Variants in TANGO6 observed in about 807,000 individuals in gnomAD.
The protein encoded by TANGO6 is transport and Golgi organization protein 6 homolog.
TANGO6 carries 90 observed loss-of-function variants against 114.2 expected under a neutral mutation model. That is an observed-to-expected ratio of 0.79 (90% confidence interval 0.66 to 0.94). TANGO6 has a LOEUF of 0.94. Among genes scored for constraint, TANGO6 ranks in the 40% least tolerant of loss-of-function variants. The pLI, the probability that TANGO6 is intolerant of heterozygous loss-of-function variation, is 0.00. For missense variants in TANGO6, 1,274 were observed against 1,315.3 expected, an observed-to-expected ratio of 0.97 and a Z score of 0.49; for synonymous variants, 477 against 509.8, an observed-to-expected ratio of 0.94 and a Z score of 0.87.
intron 15 of TANGO6, among the ~76,000 whole-genome samples, chr16:68,996,389 T>C (rs1041009607): frequency 2.6e-5 from 4 of 152,182 alleles, no homozygotes; most frequent in African/African-American, 7.2e-5. Flanking sequence ...CAATAAATTG[T>C]ATTCATGAAA....
intron 17 of TANGO6, among the ~76,000 whole-genome samples, chr16:69,067,237 G>A (rs1313588392): frequency 1.3e-5 from 2 of 151,956 alleles, no homozygotes; most frequent in African/African-American, 2.4e-5. Flanking sequence ...GGCTGGGCAC[G>A]GTGGCTCATG....
chr16:68,962,072 T>A (rs557882942), intron 14 of TANGO6, among the ~76,000 whole-genome samples: 1 of 152,308 alleles, frequency 6.6e-6, no homozygotes. Context: ...AAATATCAAA[T>A]TGGCATGCTA....
intron 17 of TANGO6, among the ~76,000 whole-genome samples, chr16:69,071,278 C>T (rs780745545): frequency 9.2e-5 from 14 of 152,298 alleles, no homozygotes; most frequent in Middle Eastern, 3.4e-3. Context: ...AAAATGCAGT[C>T]ACTCTGGTTT....
intron 5 of TANGO6, 95 bp downstream of exon 5, chr16:68,875,385 G>A (rs184389000): frequency 1.1e-5 from 16 of 1,400,936 alleles, no homozygotes; most frequent in Admixed American, 2.4e-5. Context: ...GATAAAAGCA[G>A]TATAATATTT....
intron 16 of TANGO6, among the ~76,000 whole-genome samples, chr16:69,029,810 G>A (rs971619975): frequency 6.6e-5 from 10 of 152,150 alleles, no homozygotes; most frequent in African/African-American, 2.2e-4. Flanking sequence ...TGAGCATCAA[G>A]GAAATAAGAA....
At chr16:68,958,739 G>T (rs1963560425) in intron 14 of TANGO6, among the ~76,000 whole-genome samples, 1 of 151,988 alleles carries the variant, frequency 6.6e-6, no homozygotes, top group South Asian at 2.1e-4. Context: ...TTCAAGACCA[G>T]CCTAGGCAGC....
intron 17 of TANGO6, among the ~76,000 whole-genome samples, chr16:69,068,338 G>A (rs778661464): frequency 3.3e-5 from 5 of 151,982 alleles, no homozygotes; most frequent in Non-Finnish European, 5.9e-5. Flanking sequence ...TTTGAGAGAC[G>A]GTACAGTATA....
chr16:68,899,290 AC>A (rs1462275099), intron 7 of TANGO6, among the ~76,000 whole-genome samples: 1 of 151,964 alleles, frequency 6.6e-6, no homozygotes, highest in Admixed American at 6.6e-5. Context: ...TAATAGGTTT[AC>A]TTTTTTTATT....
chr16:69,022,165 C>T (rs1959419518), intron 15 of TANGO6, among the ~76,000 whole-genome samples: 1 of 151,348 alleles, frequency 6.6e-6, no homozygotes, highest in Non-Finnish European at 1.5e-5. Context: ...GGATTACAGG[C>T]GTGAGCCACC....
At chr16:68,961,725 A>G (rs187097703) in intron 14 of TANGO6, among the ~76,000 whole-genome samples, 3,186 of 152,286 alleles carry the variant, frequency 0.021, 115 homozygotes, top group African/African-American at 0.073. Context: ...TATTATTTAG[A>G]TACTGATTTA....
chr16:68,933,671 C>A (rs981710068), intron 14 of TANGO6: 1 of 152,202 alleles, frequency 6.6e-6, no homozygotes, highest in Non-Finnish European at 1.5e-5. Flanking sequence ...ACCATAAATT[C>A]CTCCTCAGGC....
intron 15 of TANGO6, among the ~76,000 whole-genome samples, chr16:69,018,231 C>T (rs1001704383): frequency 6.8e-6 from 1 of 147,498 alleles, no homozygotes; most frequent in African/African-American, 2.5e-5. Context: ...GCAAGCTCCG[C>T]CTCCCGGGTT....
intron 1 of TANGO6, among the ~76,000 whole-genome samples, chr16:68,852,899 A>T (rs1961928636): frequency 6.6e-6 from 1 of 152,128 alleles, no homozygotes; most frequent in African/African-American, 2.4e-5. Context: ...CACATCATTT[A>T]GATTCCACAA....
intron 14 of TANGO6, among the ~76,000 whole-genome samples, chr16:68,968,965 T>G (rs529098034): frequency 6.6e-6 from 1 of 152,122 alleles, no homozygotes. Flanking sequence ...CCACCGCGCC[T>G]GGCCACCTAA....
chr16:68,889,044 G>A (rs544513816), intron 7 of TANGO6, among the ~76,000 whole-genome samples: 3 of 152,178 alleles, frequency 2.0e-5, no homozygotes, highest in African/African-American at 4.8e-5. Context: ...GGTTGTTCTC[G>A]AACTCCTGAC....
chr16:68,910,941 T>A (rs973645015), intron 11 of TANGO6, among the ~76,000 whole-genome samples: 4 of 152,220 alleles, frequency 2.6e-5, no homozygotes, highest in Non-Finnish European at 4.4e-5. Flanking sequence ...CCTCCCATAG[T>A]GCTGGGATTA....
chr16:68,979,145 C>A (rs1963797240), intron 15 of TANGO6, among the ~76,000 whole-genome samples: 1 of 151,774 alleles, frequency 6.6e-6, no homozygotes, highest in African/African-American at 2.4e-5. Context: ...GATCCCGACC[C>A]CCTGGGCTCA....
intron 5 of TANGO6, among the ~76,000 whole-genome samples, chr16:68,876,366 G>T (rs971711186): frequency 1.3e-5 from 2 of 152,016 alleles, no homozygotes; most frequent in Admixed American, 1.3e-4. Context: ...TCTCCACGTT[G>T]GTCAGGCTGG....
At position 69,040,364 on chromosome 16, in the gene TANGO6, A is replaced by G; in HGVS notation, c.3051A>G (p.Arg1017=). The change falls in exon 17 of 18, where the codon AGA becomes AGG. Residue 1017 remains arginine (R), a synonymous_variant. Coordinates refer to ENST00000261778, the MANE Select transcript of TANGO6 (RefSeq NM_024562.2). ...CAGATGGTGAAGTTCAAGTACGCAG[A>G]GCTGCCATACATGTGGTTGTGCTGC... ...AKTDGEVQVR[R]AAIHVVVLLL... 6.2e-7 allele frequency: 1 copy of G among 1,609,724 alleles called. No homozygotes were observed. The highest frequency in any genetic ancestry group is 8.5e-7 in the Non-Finnish European group (1 of 1,178,300).
Sources: gnomAD v4.1 joint callset for allele counts (sites outside exome capture counted in the v4.1 genomes callset) on GRCh38, gnomAD v4.1.1 for gene constraint, MANE v1.5 for transcripts, NCBI Gene and HGNC (gene_info 2026-07-23, HGNC 2026-07-21) for gene names.